SYT1: variants seen among roughly 807,000 people sequenced by gnomAD.
SYT1 encodes the protein synaptotagmin-1.
Under a neutral mutation model 44.8 loss-of-function variants are expected in SYT1, and 8 were observed. The ratio of observed to expected loss-of-function variants is 0.18; its 90% CI spans 0.10 to 0.32. SYT1 has a LOEUF of 0.32. Ranked by LOEUF, SYT1 falls within the 10% of genes least tolerant of loss-of-function variation. SYT1 has a pLI of 1.00. For missense variants in SYT1, 286 were observed against 509.3 expected (o/e 0.56, Z 4.22); for synonymous variants, 154 against 188.8 (o/e 0.82, Z 1.51).
intron 4 of SYT1, among the ~76,000 whole-genome samples, chr12:79,250,957 G>A (rs1877174545): frequency 6.6e-6 from 1 of 152,130 alleles, no homozygotes; most frequent in African/African-American, 2.4e-5. Context: ...TAGTGGAGCA[G>A]CTCAGCATAA....
At chr12:78,919,311 C>T (rs1280274248) in intron 1 of SYT1, among the ~76,000 whole-genome samples, 1 of 152,020 alleles carries the variant, frequency 6.6e-6, no homozygotes, top group Non-Finnish European at 1.5e-5. Flanking sequence ...CTCCTAGAAT[C>T]TGCTGGGTGG....
chr12:78,927,473 C>CATATCTCAT (rs1877367651), intron 1 of SYT1, among the ~76,000 whole-genome samples: 1 of 152,016 alleles, frequency 6.6e-6, no homozygotes, highest in Non-Finnish European at 1.5e-5. Flanking sequence ...GTCTTCCGTG[C>CATATCTCAT]GTTATGAGAT....
Position 79,375,960 on chromosome 12 carries a change from T to C in SYT1, c.928+22341T>C, listed in dbSNP as rs140779428. Among the ~76,000 whole-genome samples the C allele has an allele frequency of 6.4e-3, 971 of 152,368 alleles. 2 individuals carry two copies. The highest frequency in any genetic ancestry group is 0.012 in the Non-Finnish European group (796 of 68,036). On this transcript the variant is annotated intron_variant, in intron 9 of 10. Coordinates refer to ENST00000261205, the MANE Select transcript of SYT1 (RefSeq NM_005639.3). ...TTACAAGGATAAATATGTTGTATCATTTATTTAAAACTTGGAATAAAGTCA... is the reference window on the plus strand; with the variant it reads ...TTACAAGGATAAATATGTTGTATCACTTATTTAAAACTTGGAATAAAGTCA...
At chr12:79,246,527 C>G (rs2138674350) in intron 4 of SYT1, among the ~76,000 whole-genome samples, 1 of 152,170 alleles carries the variant, frequency 6.6e-6, no homozygotes, top group Non-Finnish European at 1.5e-5. Context: ...GATCAAGGTA[C>G]CAACAGGTTC....
At chr12:79,381,442 C>T (rs1016325927) in intron 9 of SYT1, among the ~76,000 whole-genome samples, 8 of 152,214 alleles carry the variant, frequency 5.3e-5, no homozygotes, top group African/African-American at 1.9e-4. Flanking sequence ...AACAGCACTT[C>T]ATTGAAATGC....
At chr12:78,987,167 G>C (rs767046513) in intron 2 of SYT1, among the ~76,000 whole-genome samples, 4 of 152,008 alleles carry the variant, frequency 2.6e-5, no homozygotes, top group Admixed American at 6.6e-5. Flanking sequence ...AAACACCACT[G>C]TGAAGGCATT....
chr12:78,929,493 T>C (rs1454664646), intron 1 of SYT1, among the ~76,000 whole-genome samples: 2 of 139,378 alleles, frequency 1.4e-5, no homozygotes, highest in African/African-American at 5.3e-5. Context: ...GAATCTTTAC[T>C]CAATAATTTT....
chr12:79,239,088 A>G (rs1876352322), intron 4 of SYT1, among the ~76,000 whole-genome samples: 1 of 152,212 alleles, frequency 6.6e-6, no homozygotes. Flanking sequence ...TACAGCAGGC[A>G]CTAAATAATT....
intron 3 of SYT1, among the ~76,000 whole-genome samples, chr12:79,173,885 G>A (rs766444373): frequency 1.1e-3 from 166 of 152,140 alleles, no homozygotes; most frequent in Non-Finnish European, 1.4e-3. Flanking sequence ...AGCAAGTGCC[G>A]TAATGTATAT....
intron 8 of SYT1, among the ~76,000 whole-genome samples, chr12:79,327,537 A>T (rs1479005066): frequency 6.6e-6 from 1 of 152,214 alleles, no homozygotes; most frequent in Non-Finnish European, 1.5e-5. Context: ...TATGTTCTGT[A>T]GCTTCTGCAT....
At chr12:79,374,334 G>T (rs1883908331) in intron 9 of SYT1, among the ~76,000 whole-genome samples, 1 of 152,018 alleles carries the variant, frequency 6.6e-6, no homozygotes, top group Non-Finnish European at 1.5e-5. Context: ...CCAAAAGTCG[G>T]CCAGCAAATA....
chr12:79,132,328 C>T (rs1262365197), intron 3 of SYT1, among the ~76,000 whole-genome samples: 1 of 151,498 alleles, frequency 6.6e-6, no homozygotes, highest in African/African-American at 2.4e-5. Context: ...ACGTGCCTGT[C>T]GTCCCAGCTA....
At chr12:79,179,460 T>TATATATATATCC (rs1872321054) in intron 3 of SYT1, among the ~76,000 whole-genome samples, 2 of 78,416 alleles carry the variant, frequency 2.6e-5, no homozygotes, top group African/African-American at 6.1e-5. Context: ...AGATATAATC[T>TATATATATATCC]ATATAGATAT....
intron 1 of SYT1, among the ~76,000 whole-genome samples, chr12:78,884,705 C>T (rs1874638781): frequency 6.6e-6 from 1 of 150,990 alleles, no homozygotes; most frequent in Admixed American, 6.6e-5. Flanking sequence ...TGGTTTGGGG[C>T]TGCAATTGTT....
intron 1 of SYT1, among the ~76,000 whole-genome samples, chr12:78,931,311 G>A (rs1168552772): frequency 3.3e-4 from 6 of 18,220 alleles, no homozygotes; most frequent in African/African-American, 6.0e-4. Context: ...AGGAAGGAGA[G>A]GGAGGGAGGG....
chr12:79,165,207 C>G (rs555692488), intron 3 of SYT1, among the ~76,000 whole-genome samples: 1 of 151,830 alleles, frequency 6.6e-6, no homozygotes, highest in Non-Finnish European at 1.5e-5. Flanking sequence ...TCTTTAGAAA[C>G]AATTTTTAAC....
At chr12:79,139,885 A>T (rs1044160438) in intron 3 of SYT1, among the ~76,000 whole-genome samples, 1 of 152,212 alleles carries the variant, frequency 6.6e-6, no homozygotes, top group African/African-American at 2.4e-5. Flanking sequence ...TTGTGCACAA[A>T]ATATATCGCA....
At position 79,053,346 on chromosome 12, in the gene SYT1, G is replaced by T. The variant is rs193048794; in HGVS notation, c.-18+5984G>T. ...CACAGGAGGGTGAACATCACACACC[G>T]AGGACTGTTGTGGGGTGGGGGGAGC... On this transcript the variant is annotated intron_variant, in intron 3 of 10. Transcript: ENST00000261205. Among the ~76,000 whole-genome samples the T allele has an allele frequency of 5.0e-3, 753 of 152,048 alleles. 7 individuals carry two copies. Among genetic ancestry groups the T allele is most frequent in the African/African-American group, 0.017 (717 of 41,488 alleles).
intron 1 of SYT1, among the ~76,000 whole-genome samples, chr12:78,888,396 A>C (rs1288018992): frequency 6.6e-6 from 1 of 151,922 alleles, no homozygotes; most frequent in Non-Finnish European, 1.5e-5. Flanking sequence ...GATTGACATC[A>C]ACATCCCCAA....
Sources: allele counts gnomAD v4.1 joint callset (sites outside exome capture counted in the v4.1 genomes callset), GRCh38; gene constraint gnomAD v4.1.1; transcripts MANE v1.5; gene names NCBI Gene and HGNC (gene_info 2026-07-23, HGNC 2026-07-21).